Variants in NEGR1 observed in about 807,000 individuals in gnomAD.
NEGR1 encodes the protein neuronal growth regulator 1.
Under a neutral mutation model 40.9 loss-of-function variants are expected in NEGR1, and 10 were observed. That is an observed-to-expected ratio of 0.24 (90% CI 0.15 to 0.42). The LOEUF (loss-of-function observed/expected upper bound fraction) is 0.42, where lower values mean the gene tolerates loss of function less well. Ranked by LOEUF, NEGR1 falls within the 10% of genes least tolerant of loss-of-function variation. The pLI is 1.00. For missense variants in NEGR1, 352 were observed against 438.9 expected, an observed-to-expected ratio of 0.80 and a Z score of 1.77; for synonymous variants, 185 against 166.8, an observed-to-expected ratio of 1.11 and a Z score of -0.84.
chr1:72,000,873 T>C (rs895284370), intron 1 of NEGR1, among the ~76,000 whole-genome samples: 2 of 152,066 alleles, frequency 1.3e-5, no homozygotes, highest in Non-Finnish European at 2.9e-5. Flanking sequence ...GGGTGGGTCC[T>C]TGGATGAGTT....
intron 6 of NEGR1, among the ~76,000 whole-genome samples, chr1:71,493,490 T>C (rs1208555515): frequency 6.6e-6 from 1 of 152,204 alleles, no homozygotes; most frequent in Non-Finnish European, 1.5e-5. Flanking sequence ...TTGGATTCCC[T>C]GAAATGTAAA....
At chr1:71,942,472 T>TAC (rs1645970705) in intron 1 of NEGR1, among the ~76,000 whole-genome samples, 1 of 14,690 alleles carries the variant, frequency 6.8e-5, no homozygotes, top group African/African-American at 2.1e-4. Context: ...TATATATATA[T>TAC]ATATATATAT....
chr1:72,219,339 A>C (rs1254727537), intron 1 of NEGR1, among the ~76,000 whole-genome samples: 1 of 152,086 alleles, frequency 6.6e-6, no homozygotes, highest in Non-Finnish European at 1.5e-5. Flanking sequence ...TATTAATTAA[A>C]ATTGATATTT....
intron 3 of NEGR1, among the ~76,000 whole-genome samples, chr1:71,763,509 T>G (rs1656017165): frequency 6.6e-6 from 1 of 152,170 alleles, no homozygotes; most frequent in African/African-American, 2.4e-5. Context: ...TATATTTATT[T>G]GGGTTAATTT....
At chr1:71,730,872 G>A (rs571018312) in intron 3 of NEGR1, among the ~76,000 whole-genome samples, 1 of 142,488 alleles carries the variant, frequency 7.0e-6, no homozygotes, top group African/African-American at 2.7e-5. Context: ...GTGTAGTGAA[G>A]CATTCGTGTG....
At chr1:72,157,178 T>C (rs1005167776) in intron 1 of NEGR1, among the ~76,000 whole-genome samples, 2 of 152,064 alleles carry the variant, frequency 1.3e-5, no homozygotes, top group African/African-American at 4.8e-5. Context: ...ACTATGTTGC[T>C]CAGGCCGGCC....
chr1:71,908,877 TA>T, intron 2 of NEGR1, among the ~76,000 whole-genome samples: 1 of 152,234 alleles, frequency 6.6e-6, no homozygotes, highest in Non-Finnish European at 1.5e-5. Context: ...AAATAATTTT[TA>T]AACTATATTT....
intron 4 of NEGR1, among the ~76,000 whole-genome samples, chr1:71,696,931 A>G (rs886276653): frequency 1.3e-5 from 2 of 151,898 alleles, no homozygotes; most frequent in African/African-American, 2.4e-5. Context: ...ACATTTGTGC[A>G]GTATAATAGA....
At chr1:71,912,432 G>C (rs958761048) in intron 2 of NEGR1, among the ~76,000 whole-genome samples, 1 of 152,094 alleles carries the variant, frequency 6.6e-6, no homozygotes, top group Non-Finnish European at 1.5e-5. Context: ...TTCAACTGAT[G>C]AGAAACTTTC....
intron 6 of NEGR1, among the ~76,000 whole-genome samples, chr1:71,445,563 T>A (rs938782976): frequency 6.6e-6 from 1 of 152,164 alleles, no homozygotes; most frequent in Admixed American, 6.5e-5. Context: ...CTGACACAAC[T>A]GACACCTGAG....
chr1:72,022,260 CATATATAT>C (rs59160727), intron 1 of NEGR1, among the ~76,000 whole-genome samples: 3,974 of 111,436 alleles, frequency 0.036, 161 homozygotes, highest in African/African-American at 0.092. Context: ...AAACAATTTT[CATATATAT>C]ATATATATAT....
intron 5 of NEGR1, among the ~76,000 whole-genome samples, chr1:71,607,805 T>C (rs1478658025): frequency 6.6e-6 from 1 of 152,172 alleles, no homozygotes; most frequent in Non-Finnish European, 1.5e-5. Context: ...GCGATTCTCC[T>C]GCGTCAGCCT....
intron 3 of NEGR1, among the ~76,000 whole-genome samples, chr1:71,748,683 A>G (rs1655467084): frequency 6.6e-6 from 1 of 152,148 alleles, no homozygotes; most frequent in East Asian, 1.9e-4. Context: ...AAAAAATTGT[A>G]TTATAATTAT....
chr1:71,856,842 C>T (rs1036366956), intron 2 of NEGR1, among the ~76,000 whole-genome samples: 9 of 152,016 alleles, frequency 5.9e-5, no homozygotes. Flanking sequence ...CAGTGTCAAC[C>T]TCACTAGGAT....
intron 1 of NEGR1, among the ~76,000 whole-genome samples, chr1:71,973,595 GC>G (rs1646277014): frequency 6.6e-6 from 1 of 152,122 alleles, no homozygotes; most frequent in Admixed American, 6.6e-5. Context: ...TTATCTTTAA[GC>G]AAGTTTTGAA....
intron 6 of NEGR1, among the ~76,000 whole-genome samples, chr1:71,495,437 A>T (rs973863763): frequency 6.6e-6 from 1 of 150,776 alleles, no homozygotes; most frequent in Non-Finnish European, 1.5e-5. Flanking sequence ...AGATCGCACC[A>T]CTGCACTCCA....
At chr1:71,475,865 A>AT (rs1646816372) in intron 6 of NEGR1, among the ~76,000 whole-genome samples, 1 of 151,828 alleles carries the variant, frequency 6.6e-6, no homozygotes, top group African/African-American at 2.4e-5. Context: ...TTTTATTCTC[A>AT]TTTTTTTCTA....
chr1:71,948,820 C>T (rs761369867), intron 1 of NEGR1, among the ~76,000 whole-genome samples: 4 of 152,098 alleles, frequency 2.6e-5, no homozygotes, highest in Non-Finnish European at 4.4e-5. Context: ...TTAGGAAAAC[C>T]GTAAATTTCA....
chr1:72,247,085 C>A (rs1317224450), intron 1 of NEGR1, among the ~76,000 whole-genome samples: 3 of 152,186 alleles, frequency 2.0e-5, no homozygotes, highest in Non-Finnish European at 4.4e-5. Context: ...GACCCTGGGG[C>A]TGGCCTACAA....
Sources: allele counts gnomAD v4.1 joint callset (sites outside exome capture counted in the v4.1 genomes callset), GRCh38; gene constraint gnomAD v4.1.1; transcripts MANE v1.5; gene names NCBI Gene and HGNC (gene_info 2026-07-23, HGNC 2026-07-21).